Variants in MTBP observed in about 807,000 individuals in gnomAD.
The protein encoded by MTBP is mdm2-binding protein.
In MTBP, 101 loss-of-function variants were observed where a neutral mutation model predicts 117.0. The observed-to-expected ratio is 0.86, with a 90% CI of 0.73 to 1.02. The LOEUF (loss-of-function observed/expected upper bound fraction) is 1.02, where lower values mean the gene tolerates loss of function less well. Ranked by LOEUF, MTBP falls within the 50% of genes least tolerant of loss-of-function variation. The pLI is 0.00. For missense variants in MTBP, 970 were observed against 1,030.9 expected, an observed-to-expected ratio of 0.94 and a Z score of 0.81; for synonymous variants, 350 against 351.5, an observed-to-expected ratio of 1.00 and a Z score of 0.05.
intron 17 of MTBP, among the ~76,000 whole-genome samples, 173 bp from the exon 18 acceptor site, chr8:120,515,752 T>C (rs1814904754): frequency 6.6e-6 from 1 of 151,954 alleles, no homozygotes; most frequent in African/African-American, 2.4e-5. Context: ...TATAGCAAAC[T>C]AGAAGAAAAC....
chr8:120,517,810 C>T (rs778394601), intron 18 of MTBP, 41 bp from the exon 19 acceptor site: 91 of 1,561,640 alleles, frequency 5.8e-5, no homozygotes, highest in Non-Finnish European at 7.1e-5. Flanking sequence ...GATGTTGATT[C>T]GCTTAATCTA....
chr8:120,489,173 G>A (rs1814287482), intron 12 of MTBP, among the ~76,000 whole-genome samples: 1 of 151,304 alleles, frequency 6.6e-6, no homozygotes, highest in East Asian at 2.0e-4. Context: ...CAAGTAGCTG[G>A]GACTACAGGT....
chr8:120,502,064 T>C (rs1355980464), intron 14 of MTBP, among the ~76,000 whole-genome samples: 1 of 152,190 alleles, frequency 6.6e-6, no homozygotes, highest in African/African-American at 2.4e-5. Context: ...AGGTAATCTC[T>C]TTTTAAACAA....
Position 120,455,391 on chromosome 8 carries a change from T to G in MTBP, c.485-44T>G, listed in dbSNP as rs1036661214. On this transcript the variant is annotated intron_variant, in intron 5 of 21. Transcript: ENST00000305949. ...GGGTACTATTTTGAGACATTTCAGA[T>G]CTAACTTTTTAAAAATTACAAAAAT... 2.3e-6 allele frequency: 3 copies of G among 1,309,884 alleles called. No individual in the cohort carries two copies. The African/African-American group carries it at 4.5e-5, about 20-fold the overall frequency. The allele number at this position is 1,309,884 out of a possible 1,614,324, so 81.1% of individuals were successfully genotyped here. A position where few individuals can be genotyped will look rare whatever the true frequency, so the allele number is the denominator to read the frequency against.
chr8:120,514,227 C>T (rs1814874679), intron 17 of MTBP, among the ~76,000 whole-genome samples: 1 of 151,760 alleles, frequency 6.6e-6, no homozygotes, highest in Non-Finnish European at 1.5e-5. Flanking sequence ...CCAAGAGCAC[C>T]CAAAGTCTAG....
intron 11 of MTBP, among the ~76,000 whole-genome samples, chr8:120,481,644 G>A (rs184632660): frequency 7.1e-4 from 108 of 152,338 alleles, no homozygotes; most frequent in African/African-American, 2.4e-3. Context: ...GAGGCCATGG[G>A]TAGAAGGGAG....
chr8:120,459,280 T>A lies in MTBP; in HGVS notation c.813T>A (p.Thr271=), dbSNP rs146454920. ...LKGVTLKNFS[T]SNLNTDFLAK... ...GAGTCACACTTAAGAATTTTAGTAC[T>A]TCTAATTTAAATACTGACTTCCTTG... is the stretch of plus-strand genomic sequence containing the variant. Residue 271 remains threonine, a synonymous_variant, in exon 8 of 22, where the codon ACT becomes ACA. Coordinates refer to ENST00000305949, the MANE Select transcript of MTBP (RefSeq NM_022045.5). The A allele has an allele frequency of 2.6e-4, 419 of 1,611,422 alleles. 5 individuals carry two copies. The African/African-American group carries it at 5.0e-3, about 19-fold the overall frequency.
intron 2 of MTBP, among the ~76,000 whole-genome samples, chr8:120,448,666 A>C (rs1454646875): frequency 7.2e-5 from 11 of 152,226 alleles, no homozygotes; most frequent in Non-Finnish European, 1.3e-4. Context: ...AGAAGCTTGC[A>C]ATGAAGTCTT....
chr8:120,457,969 A>G (rs1813506844), intron 7 of MTBP, among the ~76,000 whole-genome samples: 2 of 151,750 alleles, frequency 1.3e-5, no homozygotes, highest in Non-Finnish European at 2.9e-5. Context: ...AAAACCCAAA[A>G]AAACCCCACA....
intron 4 of MTBP, among the ~76,000 whole-genome samples, chr8:120,453,393 G>A (rs1813401557): frequency 6.6e-6 from 1 of 152,066 alleles, no homozygotes; most frequent in Admixed American, 6.6e-5. Context: ...GCTGCAGTGA[G>A]CTGTGATCAT....
chr8:120,505,923 C>G (rs892104813), intron 15 of MTBP, among the ~76,000 whole-genome samples: 2 of 152,078 alleles, frequency 1.3e-5, no homozygotes, highest in African/African-American at 2.4e-5. Flanking sequence ...AGCTGTATCA[C>G]CCTGCGTCTG....
rs537492494 is a variant in MTBP at position 120,459,794 on chromosome 8, G to A, written c.882+445G>A. Reference sequence around the variant, plus strand: ...AATAGTAACACACTTATCTTACAAAGTTATGAGGATTAAATGAGGTGAGAG... The same window carrying A: ...AATAGTAACACACTTATCTTACAAAATTATGAGGATTAAATGAGGTGAGAG... On this transcript the variant is annotated intron_variant, in intron 8 of 21. Coordinates refer to ENST00000305949, the MANE Select transcript of MTBP (RefSeq NM_022045.5). Among the ~76,000 whole-genome samples, 217 of 152,242 alleles carry A rather than the reference G, an allele frequency of 1.4e-3. 4 individuals are homozygous for A. The South Asian group carries it at 0.044, about 31-fold the overall frequency.
At chr8:120,468,328 A>G (rs1306581970) in intron 10 of MTBP, among the ~76,000 whole-genome samples, 5 of 152,232 alleles carry the variant, frequency 3.3e-5, no homozygotes, top group Non-Finnish European at 7.3e-5. Flanking sequence ...ATTTTAAGTC[A>G]TTATAACTAG....
intron 11 of MTBP, chr8:120,471,604 A>G (rs1813818467): frequency 6.6e-6 from 1 of 152,218 alleles, no homozygotes; most frequent in Non-Finnish European, 1.5e-5. Flanking sequence ...CACTTGACCT[A>G]AAGTTTTTTA....
In MTBP at chr8:120,518,721, T is replaced by C. The variant is rs1018581374; in HGVS notation, c.2514T>C (p.Val838=). 5 of 1,608,552 alleles carry C rather than the reference T, an allele frequency of 3.1e-6. No individual in the cohort carries two copies. Among genetic ancestry groups the C allele is most frequent in the Non-Finnish European group, 4.2e-6 (5 of 1,176,536 alleles). ...TGTTCAAGATACTGAAAGAAGTAGT[T>C]ACTGAAACCCTGAAGAAACACAGTA... The part of the protein sequence containing the change: ...QKHTRILKEV[V]TETLKKHSIT... The change falls in exon 20 of 22, where the codon GTT becomes GTC. Residue 838 remains valine (V), a synonymous_variant. Transcript: ENST00000305949.
At chr8:120,465,635 T>C (rs192272820) in intron 10 of MTBP, among the ~76,000 whole-genome samples, 1 of 151,350 alleles carries the variant, frequency 6.6e-6, no homozygotes, top group Admixed American at 6.6e-5. Context: ...ACAGAGAAAT[T>C]TGTAGAAATC....
rs916182080 is a variant in MTBP at position 120,506,963 on chromosome 8, G to A, written c.1883+102G>A. The A allele has an allele frequency of 6.9e-5, 69 of 1,004,990 alleles. 1 individual carries two copies. The highest frequency in any genetic ancestry group is 5.5e-4 in the Middle Eastern group (2 of 3,622). 62.3% of individuals were successfully genotyped at this position (1,004,990 alleles called of 1,614,324 possible). ...TAATTGATGTCCTATGCTACTCAGG[G>A]AAAATTTATAAGTTTGATCCCAATG... is the stretch of plus-strand genomic sequence containing the variant. On this transcript the variant is annotated intron_variant, in intron 16 of 21. Transcript: ENST00000305949.
intron 15 of MTBP, among the ~76,000 whole-genome samples, chr8:120,504,544 A>G (rs963617168): frequency 2.0e-5 from 3 of 152,088 alleles, no homozygotes; most frequent in African/African-American, 4.8e-5. Flanking sequence ...TTGTTCCTCA[A>G]TAAGTATTTT....
chr8:120,499,878 A>G (rs1219985136), intron 14 of MTBP, among the ~76,000 whole-genome samples: 1 of 152,226 alleles, frequency 6.6e-6, no homozygotes, highest in Non-Finnish European at 1.5e-5. Flanking sequence ...CCCATTGGAC[A>G]CATCAACACA....
Sources: gnomAD v4.1 joint callset for allele counts (sites outside exome capture counted in the v4.1 genomes callset) on GRCh38, gnomAD v4.1.1 for gene constraint, MANE v1.5 for transcripts, NCBI Gene and HGNC (gene_info 2026-07-23, HGNC 2026-07-21) for gene names.